The following KMT2E variants were observed in gnomAD, a reference collection of about 807,000 sequenced individuals.
KMT2E encodes lysine methyltransferase 2E (inactive), also known as histone reader KMT2E.
In KMT2E, 30 loss-of-function variants were observed where a neutral mutation model predicts 184.6. That is an observed-to-expected ratio of 0.16 (90% CI 0.12 to 0.22). KMT2E has a LOEUF of 0.22. Among genes scored for constraint, KMT2E ranks in the 10% least tolerant of loss-of-function variants. The probability of loss-of-function intolerance (pLI) is 1.00; values close to 1 mark genes in which losing one functional copy is unlikely to be tolerated. For synonymous variants in KMT2E, 815 were observed against 776.5 expected, an observed-to-expected ratio of 1.05 and a Z score of -0.82; for missense variants, 2,023 against 2,237.4, an observed-to-expected ratio of 0.90 and a Z score of 1.93.
intron 15 of KMT2E, among the ~76,000 whole-genome samples, chr7:105,098,206 G>A (rs1360876612): frequency 6.7e-6 from 1 of 149,910 alleles, no homozygotes; most frequent in African/African-American, 2.5e-5. Flanking sequence ...GGGTGATTTT[G>A]TAGGTGGGCT....
intron 5 of KMT2E, among the ~76,000 whole-genome samples, chr7:105,064,899 T>TA (rs971368706): frequency 1.3e-5 from 2 of 152,156 alleles, no homozygotes; most frequent in African/African-American, 4.8e-5. Flanking sequence ...CTTTGGTATG[T>TA]AATTTTTATT....
At chr7:105,053,808 G>A (rs1796444934) in intron 3 of KMT2E, among the ~76,000 whole-genome samples, 3 of 152,262 alleles carry the variant, frequency 2.0e-5, no homozygotes, top group Non-Finnish European at 2.9e-5. Context: ...CCGGGAGTTT[G>A]ATGCTATAGT....
intron 6 of KMT2E, among the ~76,000 whole-genome samples, chr7:105,071,810 T>G (rs1797333753): frequency 6.6e-6 from 1 of 151,060 alleles, no homozygotes; most frequent in Non-Finnish European, 1.5e-5. Context: ...TTCCCAAGCC[T>G]CACAACAGAG....
chr7:105,083,209 C>T (rs535507317), intron 13 of KMT2E, among the ~76,000 whole-genome samples: 109 of 152,264 alleles, frequency 7.2e-4, no homozygotes, highest in African/African-American at 2.6e-3. Context: ...ATGGCATCTT[C>T]GATGGTATAA....
At chr7:105,089,691 T>TGA (rs1394101172) in intron 13 of KMT2E, among the ~76,000 whole-genome samples, 1 of 152,158 alleles carries the variant, frequency 6.6e-6, no homozygotes, top group East Asian at 1.9e-4. Context: ...AGATATCTCA[T>TGA]TATATATATG....
At position 105,076,026 on chromosome 7, in the gene KMT2E, T is replaced by C; in HGVS notation, c.730-17T>C. 6.3e-7 allele frequency: 1 copy of C among 1,576,646 alleles called. No individual in the cohort carries two copies. Among genetic ancestry groups the C allele is most frequent in the Non-Finnish European group, 8.7e-7 (1 of 1,147,232 alleles). On this transcript the variant is annotated splice_polypyrimidine_tract_variant and intron_variant, in intron 8 of 26. Transcript: ENST00000311117. ...CAGTTTTTTAGGAAACTAACTAGAA[T>C]TCCATGTTTATTTTAGGCATTTCGT... is the stretch of plus-strand genomic sequence containing the variant.
intron 15 of KMT2E, among the ~76,000 whole-genome samples, chr7:105,098,234 ATTT>A (rs34674654): frequency 0.28 from 38,972 of 136,838 alleles, 7,487 homozygotes; most frequent in East Asian, 0.57. Flanking sequence ...TCCTTTTCCT[ATTT>A]TTTTTTTTTT....
At chr7:105,060,117 C>A (rs1796753315) in intron 3 of KMT2E, among the ~76,000 whole-genome samples, 1 of 149,128 alleles carries the variant, frequency 6.7e-6, no homozygotes, top group Non-Finnish European at 1.5e-5. Context: ...TGCCTCAGCC[C>A]CCAAGTAGCT....
chr7:105,083,746 C>T (rs1043910305), intron 13 of KMT2E, among the ~76,000 whole-genome samples: 1 of 152,134 alleles, frequency 6.6e-6, no homozygotes, highest in African/African-American at 2.4e-5. Flanking sequence ...ACATTTGTGT[C>T]TGCATTAAAA....
In KMT2E at chr7:105,087,373, TTTTA is replaced by T. The variant is rs201661689; in HGVS notation, c.1359-2631_1359-2628del. On this transcript the variant is annotated intron_variant, in intron 13 of 26. Transcript: ENST00000311117. The stretch of plus-strand genomic sequence containing the variant: ...GAATGGCATCTCTTTATATTAATAT[TTTTA>T]TTTACCATTTTCCTTGATTATTCAT... 3.6e-3 allele frequency among the ~76,000 whole-genome samples: 530 copies of T among 148,966 alleles called. 14 individuals are homozygous for T. The East Asian group carries it at 0.061, about 17-fold the overall frequency.
In KMT2E at chr7:105,112,565, C is replaced by A. The variant is rs752450742; in HGVS notation, c.4809C>A (p.His1603Gln). Reference sequence around the variant, plus strand: ...GCCAGCAAACAGTTCCAGGACACCACGTGACTCCAGGGCATTTTTTGCCCT... The same window carrying A: ...GCCAGCAAACAGTTCCAGGACACCAAGTGACTCCAGGGCATTTTTTGCCCT... ...TTSQQTVPGH[H>Q]VTPGHFLPSQ... The change falls in exon 27 of 27, where the codon CAC becomes CAA. Residue 1603 changes from histidine to glutamine, a missense_variant. Coordinates refer to ENST00000311117, the MANE Select transcript of KMT2E (RefSeq NM_182931.3). 3 of 1,613,960 alleles carry A rather than the reference C, an allele frequency of 1.9e-6. No homozygotes were observed. The Admixed American group carries it at 5.0e-5, about 27-fold the overall frequency.
At position 105,058,003 on chromosome 7, in the gene KMT2E, C is replaced by T. The variant is rs78007887; in HGVS notation, c.72-4161C>T. ...TTTGCTTGAAATGTCTCTTGAATCT[C>T]TCTTCATCTATAACAACCCCCTCTT... On this transcript the variant is annotated intron_variant, in intron 3 of 26. Coordinates refer to ENST00000311117, the MANE Select transcript of KMT2E (RefSeq NM_182931.3). 5.5e-3 allele frequency among the ~76,000 whole-genome samples: 834 copies of T among 152,276 alleles called. 16 individuals carry two copies. Among genetic ancestry groups the T allele is most frequent in the East Asian group, 0.037 (190 of 5,184 alleles).
At chr7:105,087,286 T>TATA (rs1010977152) in intron 13 of KMT2E, among the ~76,000 whole-genome samples, 3 of 146,660 alleles carry the variant, frequency 2.0e-5, no homozygotes, top group South Asian at 4.2e-4. Flanking sequence ...ATAAATATGA[T>TATA]ATAATATATA....
chr7:105,033,057 A>G (rs1031511622), intron 1 of KMT2E, among the ~76,000 whole-genome samples: 1 of 152,246 alleles, frequency 6.6e-6, no homozygotes, highest in Non-Finnish European at 1.5e-5. Context: ...CAGATGTAGC[A>G]AACATGAAGT....
In KMT2E at chr7:105,093,740, T is replaced by C. The variant is rs182837059; in HGVS notation, c.1722+2426T>C. ...TAAACTTGGTGGAACTTAGAAAATA[T>C]ATATGTATATTGGCTTACTTACTTG... is the stretch of plus-strand genomic sequence containing the variant. On this transcript the variant is annotated intron_variant, in intron 15 of 26. Transcript: ENST00000311117. 1.2e-3 allele frequency among the ~76,000 whole-genome samples: 185 copies of C among 152,262 alleles called. 1 individual carries two copies. The highest frequency in any genetic ancestry group is 7.7e-4 in the East Asian group (4 of 5,188).
rs1796846396 is a variant in KMT2E, at chr7:105,062,285, G to GTTAA, written c.186+8_186+11dup. 1 of 1,563,266 alleles carries GTTAA rather than the reference G, an allele frequency of 6.4e-7. No homozygotes were observed. The stretch of plus-strand genomic sequence containing the variant: ...CATTGGTTTGCCCTATGCGGTAAGT[G>GTTAA]TTAAACACTTCTTTGAAAAAACATT... On this transcript the variant is annotated splice_region_variant and intron_variant, in intron 4 of 26. Coordinates refer to ENST00000311117, the MANE Select transcript of KMT2E (RefSeq NM_182931.3).
chr7:105,054,450 G>GTCTA (rs373961643), intron 3 of KMT2E, among the ~76,000 whole-genome samples: 1 of 66,746 alleles, frequency 1.5e-5, no homozygotes, highest in Admixed American at 1.7e-4. Flanking sequence ...AAGTTGCTCT[G>GTCTA]TCTGTCTGTC....
intron 15 of KMT2E, among the ~76,000 whole-genome samples, chr7:105,099,531 T>C (rs1435023116): frequency 6.6e-6 from 1 of 152,220 alleles, no homozygotes; most frequent in Non-Finnish European, 1.5e-5. Context: ...TTATATCATA[T>C]AGTTTTATCT....
intron 13 of KMT2E, among the ~76,000 whole-genome samples, chr7:105,086,858 AAT>A (rs1443660356): frequency 4.1e-5 from 6 of 146,772 alleles, no homozygotes; most frequent in African/African-American, 1.5e-4. Flanking sequence ...TAGTATATAT[AAT>A]ATATATTAGC....
Sources: allele counts gnomAD v4.1 joint callset (sites outside exome capture counted in the v4.1 genomes callset), GRCh38; gene constraint gnomAD v4.1.1; transcripts MANE v1.5; gene names NCBI Gene and HGNC (gene_info 2026-07-23, HGNC 2026-07-21).